Variants in TSPYL5 observed in about 807,000 individuals in gnomAD.
TSPYL5 encodes testis-specific Y-encoded-like protein 5.
For missense variants in TSPYL5, 556 were observed against 555.5 expected, an observed-to-expected ratio of 1.00 and a Z score of -0.01; for synonymous variants, 276 against 236.1, an observed-to-expected ratio of 1.17 and a Z score of -1.55.
At position 97,274,993 on chromosome 8, in the gene TSPYL5, G is replaced by C. The variant is rs1009124451; in HGVS notation, c.*1598C>G. Reference sequence around the variant, plus strand: ...GACTGCTGAAAGTGGGAAAGCTGGGGATTGAGGTCCAGATGGCCAGAGGCT... The same window carrying C: ...GACTGCTGAAAGTGGGAAAGCTGGGCATTGAGGTCCAGATGGCCAGAGGCT... On this transcript the variant is annotated 3_prime_UTR_variant, in exon 1 of 1. Coordinates refer to ENST00000322128, the MANE Select transcript of TSPYL5 (RefSeq NM_033512.3). The C allele has an allele frequency of 1.3e-5, 2 of 152,834 alleles. No homozygotes were observed. The highest frequency in any genetic ancestry group is 6.5e-5 in the Admixed American group (1 of 15,270). The allele number at this position is 152,834 out of a possible 1,614,324, so 9.5% of individuals were successfully genotyped here.
chr8:97,275,651 G>C lies in TSPYL5; in HGVS notation c.*940C>G, dbSNP rs1217507222. ...GTCCTCACCCTCACCTGGAGCCACA[G>C]CATAATGACAGTGAACACATGTCCA... is the stretch of plus-strand genomic sequence containing the variant. On this transcript the variant is annotated 3_prime_UTR_variant, in exon 1 of 1. Coordinates refer to ENST00000322128, the MANE Select transcript of TSPYL5 (RefSeq NM_033512.3). 6.6e-6 allele frequency: 1 copy of C among 152,208 alleles called. No individual in the cohort carries two copies. Among genetic ancestry groups the C allele is most frequent in the Non-Finnish European group, 1.5e-5 (1 of 68,168 alleles). The allele number at this position is 152,208 out of a possible 1,614,324, so 9.4% of individuals were successfully genotyped here. A position where few individuals can be genotyped will look rare whatever the true frequency, so the allele number is the denominator to read the frequency against.
rs550201195 is a variant in TSPYL5, at chr8:97,276,394, C to T, written c.*197G>A. ...CATATGAACAGTCCGGGTGCGATCA[C>T]ATAACATGTGACACTAACGTAGAAA... On this transcript the variant is annotated 3_prime_UTR_variant, in exon 1 of 1. Transcript: ENST00000322128. 2.9e-6 allele frequency: 2 copies of T among 696,044 alleles called. No individual in the cohort carries two copies. Among genetic ancestry groups the T allele is most frequent in the East Asian group, 2.5e-5 (1 of 39,352 alleles). 43.1% of individuals were successfully genotyped at this position (696,044 alleles called of 1,614,324 possible). A position where few individuals can be genotyped will look rare whatever the true frequency, so the allele number is the denominator to read the frequency against.
In TSPYL5 at chr8:97,274,278, C is replaced by T. The variant is rs1035171143; in HGVS notation, c.*2313G>A. 3.3e-5 allele frequency: 5 copies of T among 151,932 alleles called. No individual in the cohort carries two copies. Among genetic ancestry groups the T allele is most frequent in the African/African-American group, 1.2e-4 (5 of 41,388 alleles). The allele number at this position is 151,932 out of a possible 1,614,324, so 9.4% of individuals were successfully genotyped here. A position where few individuals can be genotyped will look rare whatever the true frequency, so the allele number is the denominator to read the frequency against. Reference sequence around the variant, plus strand: ...AGCAGACTTGCACATCTGTATCTTCCCATTAGACTAAAATGGGGAAAGTCG... The same window carrying T: ...AGCAGACTTGCACATCTGTATCTTCTCATTAGACTAAAATGGGGAAAGTCG... On this transcript the variant is annotated 3_prime_UTR_variant, in exon 1 of 1. Coordinates refer to ENST00000322128, the MANE Select transcript of TSPYL5 (RefSeq NM_033512.3).
At position 97,277,626 on chromosome 8, in the gene TSPYL5, G is replaced by A. The variant is rs915586031; in HGVS notation, c.219C>T (p.Leu73=). The change falls in exon 1 of 1, where the codon CTC becomes CTT. Residue 73 remains leucine (L), a synonymous_variant. Coordinates refer to ENST00000322128, the MANE Select transcript of TSPYL5 (RefSeq NM_033512.3). The surrounding 1 kb of genome is among the most constrained non-coding windows in gnomAD (Gnocchi z 4.5). The stretch of plus-strand genomic sequence containing the variant: ...GGAGCCGGCAGGCGGCCTCCTCCCC[G>A]AGCCGGAGGAGCTGCGCGGACGCAG... The part of the protein sequence containing the change: ...EAAASAQLLR[L]GEEAACRLPL... The A allele has an allele frequency of 3.5e-6, 5 of 1,441,846 alleles. No individual in the cohort carries two copies. The highest frequency in any genetic ancestry group is 5.9e-5 in the East Asian group (2 of 34,066). 89.3% of individuals were successfully genotyped at this position (1,441,846 alleles called of 1,614,324 possible).
Position 97,277,917 on chromosome 8 carries a change from G to C in TSPYL5, c.-73C>G, listed in dbSNP as rs1420295455. 5 of 1,307,200 alleles carry C rather than the reference G, an allele frequency of 3.8e-6. No homozygotes were observed. Among genetic ancestry groups the C allele is most frequent in the Admixed American group, 3.9e-5 (1 of 25,408 alleles). 81.0% of individuals were successfully genotyped at this position (1,307,200 alleles called of 1,614,324 possible). A position where few individuals can be genotyped will look rare whatever the true frequency, so the allele number is the denominator to read the frequency against. ...CTGACGCCAGCTCTCGGTCGGGACC[G>C]AGCGGGTCTCTCCACGGCAACCGCC... is the stretch of plus-strand genomic sequence containing the variant. On this transcript the variant is annotated 5_prime_UTR_variant, in exon 1 of 1. Coordinates refer to ENST00000322128, the MANE Select transcript of TSPYL5 (RefSeq NM_033512.3). The surrounding 1 kb of genome is among the most constrained non-coding windows in gnomAD (Gnocchi z 4.5).
chr8:97,275,025 AAGGAG>A lies in TSPYL5; in HGVS notation c.*1561_*1565del, dbSNP rs1161068459. ...GTCCAGATGGCCAGAGGCTACCACA[AAGGAG>A]GAAACAGCAGGAGGCACTTGGGTCT... On this transcript the variant is annotated 3_prime_UTR_variant, in exon 1 of 1. Coordinates refer to ENST00000322128, the MANE Select transcript of TSPYL5 (RefSeq NM_033512.3). The A allele has an allele frequency of 6.5e-6, 1 of 152,748 alleles. No individual in the cohort carries two copies. The allele number at this position is 152,748 out of a possible 1,614,324, so 9.5% of individuals were successfully genotyped here.
chr8:97,277,054 G>C lies in TSPYL5; in HGVS notation c.791C>G (p.Ser264Cys). The change falls in exon 1 of 1, where the codon TCC (serine) becomes TGC (cysteine). Residue 264 changes from serine to cysteine, a missense_variant. Coordinates refer to ENST00000322128, the MANE Select transcript of TSPYL5 (RefSeq NM_033512.3). The surrounding 1 kb of genome is among the most constrained non-coding windows in gnomAD (Gnocchi z 4.5). ...CTCTTTCTCTTGGCTATTCAGAAAG[G>C]ATGCTAGCTGGGGATGGTTCTGAAA... ...QAFQNHPQLA[S>C]FLNSQEKEVL... is the part of the protein sequence containing the mutation. 1 of 1,613,992 alleles carries C rather than the reference G, an allele frequency of 6.2e-7. No homozygotes were observed. The highest frequency in any genetic ancestry group is 8.5e-7 in the Non-Finnish European group (1 of 1,180,030).
In TSPYL5 at chr8:97,273,491, CAG is replaced by C. The variant is rs767642541; in HGVS notation, c.*3098_*3099del. 6.6e-6 allele frequency: 1 copy of C among 152,412 alleles called. No individual in the cohort carries two copies. Among genetic ancestry groups the C allele is most frequent in the Admixed American group, 6.5e-5 (1 of 15,276 alleles). 9.4% of individuals were successfully genotyped at this position (152,412 alleles called of 1,614,324 possible). On this transcript the variant is annotated 3_prime_UTR_variant, in exon 1 of 1. Coordinates refer to ENST00000322128, the MANE Select transcript of TSPYL5 (RefSeq NM_033512.3). ...TCTTTTTTGAAAATCAGAAATATAACAGAGATACAGGTTTTTATTTTTCCATC... is the reference window on the plus strand; with the variant it reads ...TCTTTTTTGAAAATCAGAAATATAACAGATACAGGTTTTTATTTTTCCATC...
At position 97,273,631 on chromosome 8, in the gene TSPYL5, G is replaced by A. The variant is rs1810464259; in HGVS notation, c.*2960C>T. 6.6e-6 allele frequency: 1 copy of A among 152,606 alleles called. No individual in the cohort carries two copies. Among genetic ancestry groups the A allele is most frequent in the Non-Finnish European group, 1.5e-5 (1 of 68,034 alleles). 9.5% of individuals were successfully genotyped at this position (152,606 alleles called of 1,614,324 possible). A position where few individuals can be genotyped will look rare whatever the true frequency, so the allele number is the denominator to read the frequency against. The stretch of plus-strand genomic sequence containing the variant: ...AACCAGTTACTAATTATTTTGGGGA[G>A]GTTATTTTCACAGAACACAGCAACA... On this transcript the variant is annotated 3_prime_UTR_variant, in exon 1 of 1. Transcript: ENST00000322128.
rs1283385921 is a variant in TSPYL5 at position 97,277,195 on chromosome 8, G to C, written c.650C>G (p.Ala217Gly). The change falls in exon 1 of 1, where the codon GCC (alanine) becomes GGC (glycine). Residue 217 changes from alanine (A) to glycine (G), a missense_variant. Transcript: ENST00000322128. This position sits in a 1 kb window ranked among gnomAD's most constrained non-coding sequence, Gnocchi z 4.5. ...CCGAAGGTAGGCCCTGTCCGCCTGG[G>C]CGTTCATGTTCTCCAGCTTCAGCTG... ...NVQLKLENMN[A>G]QADRAYLRLS... The C allele has an allele frequency of 6.2e-7, 1 of 1,612,764 alleles. No individual in the cohort carries two copies. Among genetic ancestry groups the C allele is most frequent in the Non-Finnish European group, 8.5e-7 (1 of 1,180,032 alleles).
In TSPYL5 at chr8:97,277,628, G is replaced by A. The variant is rs1331616612; in HGVS notation, c.217C>T (p.Leu73Phe). Reference protein sequence around the residue: ...EAAASAQLLRLGEEAACRLPL... With the variant: ...EAAASAQLLRFGEEAACRLPL... ...AGCCGGCAGGCGGCCTCCTCCCCGA[G>A]CCGGAGGAGCTGCGCGGACGCAGCG... Residue 73 changes from leucine to phenylalanine, a missense_variant, in exon 1 of 1, where the codon CTC (leucine) becomes TTC (phenylalanine). Coordinates refer to ENST00000322128, the MANE Select transcript of TSPYL5 (RefSeq NM_033512.3). This position sits in a 1 kb window ranked among gnomAD's most constrained non-coding sequence, Gnocchi z 4.5. 1 of 1,446,346 alleles carries A rather than the reference G, an allele frequency of 6.9e-7. No individual in the cohort carries two copies. Among genetic ancestry groups the A allele is most frequent in the Non-Finnish European group, 9.1e-7 (1 of 1,102,352 alleles). 89.6% of individuals were successfully genotyped at this position (1,446,346 alleles called of 1,614,324 possible).
At position 97,275,730 on chromosome 8, in the gene TSPYL5, G is replaced by C. The variant is rs1054254161; in HGVS notation, c.*861C>G. ...AGCCAGTAGGGTTCCTGGAAAGCTG[G>C]GGAGGGTAGGTGTGTGTCTCATGCA... On this transcript the variant is annotated 3_prime_UTR_variant, in exon 1 of 1. Transcript: ENST00000322128. 4 of 152,312 alleles carry C rather than the reference G, an allele frequency of 2.6e-5. No homozygotes were observed. The highest frequency in any genetic ancestry group is 9.7e-5 in the African/African-American group (4 of 41,440). 9.4% of individuals were successfully genotyped at this position (152,312 alleles called of 1,614,324 possible).
chr8:97,276,438 G>T lies in TSPYL5; in HGVS notation c.*153C>A. ...GTAGAAAAGCAAGAGGCTATGGGAG[G>T]CAAAAGAACATGATCATAAATGCCA... On this transcript the variant is annotated 3_prime_UTR_variant, in exon 1 of 1. Transcript: ENST00000322128. The T allele has an allele frequency of 2.0e-6, 2 of 997,554 alleles. No homozygotes were observed. Among genetic ancestry groups the T allele is most frequent in the Non-Finnish European group, 3.0e-6 (2 of 667,098 alleles). The allele number at this position is 997,554 out of a possible 1,614,324, so 61.8% of individuals were successfully genotyped here.
chr8:97,277,885 G>T lies in TSPYL5; in HGVS notation c.-41C>A, dbSNP rs1653812835. ...AGCTTCAAAGACACGCTGTGACCCT[G>T]CGGCTCCTGACGCCAGCTCTCGGTC... On this transcript the variant is annotated 5_prime_UTR_variant, in exon 1 of 1. Transcript: ENST00000322128. The surrounding 1 kb of genome is among the most constrained non-coding windows in gnomAD (Gnocchi z 4.5). 1 of 1,358,220 alleles carries T rather than the reference G, an allele frequency of 7.4e-7. No individual in the cohort carries two copies. The highest frequency in any genetic ancestry group is 1.9e-5 in the South Asian group (1 of 51,994). The allele number at this position is 1,358,220 out of a possible 1,614,324, so 84.1% of individuals were successfully genotyped here.
chr8:97,276,269 G>A lies in TSPYL5; in HGVS notation c.*322C>T, dbSNP rs1400139816. ...CTGGTCGTCCTGGAGGATGACTCAT[G>A]AGTGTCCATGTTAAAGACAAGTAGG... is the stretch of plus-strand genomic sequence containing the variant. On this transcript the variant is annotated 3_prime_UTR_variant, in exon 1 of 1. Transcript: ENST00000322128. The A allele has an allele frequency of 1.1e-5, 3 of 285,652 alleles. No homozygotes were observed. Among genetic ancestry groups the A allele is most frequent in the Non-Finnish European group, 1.3e-5 (2 of 153,760 alleles). The allele number at this position is 285,652 out of a possible 1,614,324, so 17.7% of individuals were successfully genotyped here. A position where few individuals can be genotyped will look rare whatever the true frequency, so the allele number is the denominator to read the frequency against.
Position 97,277,841 on chromosome 8 carries a change from T to C in TSPYL5, c.4A>G (p.Ser2Gly). 1 of 1,438,786 alleles carries C rather than the reference T, an allele frequency of 7.0e-7. No individual in the cohort carries two copies. The highest frequency in any genetic ancestry group is 9.1e-7 in the Non-Finnish European group (1 of 1,099,404). The allele number at this position is 1,438,786 out of a possible 1,614,324, so 89.1% of individuals were successfully genotyped here. A position where few individuals can be genotyped will look rare whatever the true frequency, so the allele number is the denominator to read the frequency against. ...GACTTTCGACCCCGACTTCGGCCGC[T>C]CATGGTGGCGGCGGAGGCAGCTTCA... M[S>G]GRSRGRKSSR... Residue 2 changes from serine to glycine, a missense_variant, in exon 1 of 1, where the codon AGC becomes GGC. Physicochemically the swap from Ser to Gly is moderately conservative, Grantham distance 56 (BLOSUM62 0). Coordinates refer to ENST00000322128, the MANE Select transcript of TSPYL5 (RefSeq NM_033512.3). This position sits in a 1 kb window ranked among gnomAD's most constrained non-coding sequence, Gnocchi z 4.5.
Position 97,276,481 on chromosome 8 carries a change from T to G in TSPYL5, c.*110A>C. The stretch of plus-strand genomic sequence containing the variant: ...AAATGCCATATTCTTGTAACTAAAG[T>G]CCAAAGGGTCTATAGTACACAGAGG... On this transcript the variant is annotated 3_prime_UTR_variant, in exon 1 of 1. Transcript: ENST00000322128. 3 of 1,335,648 alleles carry G rather than the reference T, an allele frequency of 2.2e-6. No individual in the cohort carries two copies. Among genetic ancestry groups the G allele is most frequent in the Non-Finnish European group, 3.1e-6 (3 of 969,908 alleles). The allele number at this position is 1,335,648 out of a possible 1,614,324, so 82.7% of individuals were successfully genotyped here. A position where few individuals can be genotyped will look rare whatever the true frequency, so the allele number is the denominator to read the frequency against.
rs1468647906 is a variant in TSPYL5 at position 97,277,261 on chromosome 8, G to C, written c.584C>G (p.Pro195Arg). 2 of 1,613,848 alleles carry C rather than the reference G, an allele frequency of 1.2e-6. No individual in the cohort carries two copies. The highest frequency in any genetic ancestry group is 2.7e-5 in the African/African-American group (2 of 74,920). The change falls in exon 1 of 1, where the codon CCC becomes CGC. Residue 195 changes from proline (P) to arginine (R), a missense_variant. Physicochemically the swap from Pro to Arg is moderately radical, Grantham distance 103. Transcript: ENST00000322128. The surrounding 1 kb of genome is among the most constrained non-coding windows in gnomAD (Gnocchi z 4.5). ...KKEERDAGSG[P>R]PATEGSMDTL... ...ATCCATGCTGCCTTCCGTCGCTGGGGGCCCCGACCCTGCATCCCTCTCTTC... is the reference window on the plus strand; with the variant it reads ...ATCCATGCTGCCTTCCGTCGCTGGGCGCCCCGACCCTGCATCCCTCTCTTC...
rs1483381022 is a variant in TSPYL5 at position 97,273,930 on chromosome 8, T to G, written c.*2661A>C. On this transcript the variant is annotated 3_prime_UTR_variant, in exon 1 of 1. Coordinates refer to ENST00000322128, the MANE Select transcript of TSPYL5 (RefSeq NM_033512.3). Reference sequence around the variant, plus strand: ...AAAACACATTTCTAAGGCCCATCTCTGGAACTTCATTAGTTAACATTAAAA... The same window carrying G: ...AAAACACATTTCTAAGGCCCATCTCGGGAACTTCATTAGTTAACATTAAAA... The G allele has an allele frequency of 6.6e-6, 1 of 152,232 alleles. No individual in the cohort carries two copies. Among genetic ancestry groups the G allele is most frequent in the African/African-American group, 2.4e-5 (1 of 41,464 alleles). The allele number at this position is 152,232 out of a possible 1,614,324, so 9.4% of individuals were successfully genotyped here.
Sources: allele counts gnomAD v4.1 joint callset, GRCh38; gene constraint gnomAD v4.1.1; non-coding constraint Gnocchi (gnomAD v3.1); transcripts MANE v1.5; gene names NCBI Gene and HGNC (gene_info 2026-07-23, HGNC 2026-07-21).